The following PALLD variants were observed in gnomAD, a reference collection of about 807,000 sequenced individuals.
The protein encoded by PALLD is palladin, cytoskeletal associated protein.
PALLD carries 61 observed loss-of-function variants against 123.5 expected under a neutral mutation model. The ratio of observed to expected loss-of-function variants is 0.49; its 90% CI spans 0.40 to 0.61. The LOEUF (loss-of-function observed/expected upper bound fraction) is 0.61, where lower values mean the gene tolerates loss of function less well. PALLD is among the 20% of genes least tolerant of loss of function. The probability of loss-of-function intolerance (pLI) is 0.00; values close to 1 mark genes in which losing one functional copy is unlikely to be tolerated. For missense variants in PALLD, 1,273 were observed against 1,377.0 expected (o/e 0.92, Z 1.20); for synonymous variants, 465 against 496.4 (o/e 0.94, Z 0.84).
chr4:168,667,522 A>AGTTT (rs1779770068), intron 2 of PALLD, among the ~76,000 whole-genome samples: 1 of 152,180 alleles, frequency 6.6e-6, no homozygotes, highest in Non-Finnish European at 1.5e-5. Context: ...ACCTGTGTTC[A>AGTTT]AACAGTCTGG....
chr4:168,658,975 C>T (rs35478734), intron 2 of PALLD, among the ~76,000 whole-genome samples: 2,414 of 152,216 alleles, frequency 0.016, 37 homozygotes, highest in Non-Finnish European at 0.027. Flanking sequence ...ATTTAGACAA[C>T]GATTAATTTC....
At chr4:168,917,195 C>T (rs536616190) in intron 17 of PALLD, among the ~76,000 whole-genome samples, 4 of 151,288 alleles carry the variant, frequency 2.6e-5, no homozygotes, top group Admixed American at 6.6e-5. Context: ...AGTACAGGCA[C>T]GCACCACCAC....
At chr4:168,622,740 T>C (rs1774884192) in intron 2 of PALLD, among the ~76,000 whole-genome samples, 1 of 152,218 alleles carries the variant, frequency 6.6e-6, no homozygotes, top group Non-Finnish European at 1.5e-5. Context: ...AACAATCTCC[T>C]GACAGATCAT....
chr4:168,883,465 T>C lies in PALLD; in HGVS notation c.1965-7457T>C, dbSNP rs537035138. ...AAGAGTAGAATAAGAGGACTTGTAA[T>C]AGTTAAATTCTCTGGTTGATTCTGG... On this transcript the variant is annotated intron_variant, in intron 10 of 21. Coordinates refer to ENST00000505667, the MANE Select transcript of PALLD (RefSeq NM_001166108.2). 2.6e-5 allele frequency among the ~76,000 whole-genome samples: 4 copies of C among 152,374 alleles called. No individual in the cohort carries two copies. In the South Asian group the frequency reaches 8.3e-4, roughly 32 times the overall value.
At chr4:168,892,822 A>G (rs575082987) in intron 11 of PALLD, among the ~76,000 whole-genome samples, 1 of 152,036 alleles carries the variant, frequency 6.6e-6, no homozygotes, top group East Asian at 1.9e-4. Context: ...TGGTCAACCC[A>G]CATTATATAT....
In PALLD at chr4:168,783,066, GTGTGTGTGTGTGTGTGTGTA is replaced by G. The variant is rs1334972161; in HGVS notation, c.1964+71145_1964+71164del. Among the ~76,000 whole-genome samples, 9 of 150,978 alleles carry G rather than the reference GTGTGTGTGTGTGTGTGTGTA, an allele frequency of 6.0e-5. No individual in the cohort carries two copies. The East Asian group carries it at 9.7e-4, about 16-fold the overall frequency. On this transcript the variant is annotated intron_variant, in intron 10 of 21. Coordinates refer to ENST00000505667, the MANE Select transcript of PALLD (RefSeq NM_001166108.2). ...TATATATGTGTGTGTGTGTGTGTGT[GTGTGTGTGTGTGTGTGTGTA>G]TAGTACTGTTTCTGTTGAACAGATA...
chr4:168,851,652 GC>G (rs1320670147), intron 10 of PALLD, among the ~76,000 whole-genome samples: 10 of 152,258 alleles, frequency 6.6e-5, no homozygotes, highest in Middle Eastern at 3.4e-3. Flanking sequence ...ACAGGCATAA[GC>G]CCCACGCCTG....
intron 2 of PALLD, among the ~76,000 whole-genome samples, chr4:168,524,098 C>T (rs1467097136): frequency 6.6e-6 from 1 of 152,150 alleles, no homozygotes; most frequent in Admixed American, 6.5e-5. Context: ...TATTTTACAA[C>T]ACTTTAACAT....
At chr4:168,913,381 C>A (rs1478459340) in intron 15 of PALLD, among the ~76,000 whole-genome samples, 1 of 152,108 alleles carries the variant, frequency 6.6e-6, no homozygotes, top group Non-Finnish European at 1.5e-5. Context: ...TCGTGATCCA[C>A]CTGCGTCAGC....
At chr4:168,702,247 T>A (rs1344777177) in intron 8 of PALLD, among the ~76,000 whole-genome samples, 1 of 152,082 alleles carries the variant, frequency 6.6e-6, no homozygotes, top group African/African-American at 2.4e-5. Flanking sequence ...AAAGAACATG[T>A]GCTCTAGAAA....
intron 10 of PALLD, among the ~76,000 whole-genome samples, chr4:168,887,120 AAAAAAAAAAAAAG>A (rs1473824740): frequency 7.1e-6 from 1 of 141,440 alleles, no homozygotes; most frequent in Admixed American, 7.0e-5. Flanking sequence ...CTGTCTCAAA[AAAAAAAAAAAAAG>A]AAAAAGAAAA....
At chr4:168,658,071 A>G (rs900108127) in intron 2 of PALLD, among the ~76,000 whole-genome samples, 5 of 152,106 alleles carry the variant, frequency 3.3e-5, no homozygotes, top group African/African-American at 7.2e-5. Context: ...GGTGCAAAAC[A>G]ACGACGAACC....
intron 2 of PALLD, among the ~76,000 whole-genome samples, chr4:168,659,380 G>C (rs1778914755): frequency 6.6e-6 from 1 of 152,108 alleles, no homozygotes; most frequent in Non-Finnish European, 1.5e-5. Context: ...TTTTCTTCAA[G>C]TATGGACTTC....
At chr4:168,854,747 GAC>G (rs1748333421) in intron 10 of PALLD, among the ~76,000 whole-genome samples, 1 of 152,148 alleles carries the variant, frequency 6.6e-6, no homozygotes, top group Non-Finnish European at 1.5e-5. Context: ...AAAAAAGGAC[GAC>G]AGAGAGGAAA....
At chr4:168,628,162 G>A (rs569320228) in intron 2 of PALLD, among the ~76,000 whole-genome samples, 14 of 152,336 alleles carry the variant, frequency 9.2e-5, no homozygotes, top group Admixed American at 3.3e-4. Flanking sequence ...ATGTGTGGAC[G>A]TTTGTAACAT....
rs781226593 is a variant in PALLD at position 168,926,535 on chromosome 4, T to C, written c.*355T>C. On this transcript the variant is annotated 3_prime_UTR_variant, in exon 22 of 22. Transcript: ENST00000505667. ...AAAATAATATTTTTCTTACTTGATATACCAAACTTAGTTTAAGTAGATAAT... is the reference window on the plus strand; with the variant it reads ...AAAATAATATTTTTCTTACTTGATACACCAAACTTAGTTTAAGTAGATAAT... The C allele has an allele frequency of 1.3e-5, 8 of 597,522 alleles. No individual in the cohort carries two copies. Among genetic ancestry groups the C allele is most frequent in the Non-Finnish European group, 2.0e-5 (7 of 350,172 alleles). 37.0% of individuals were successfully genotyped at this position (597,522 alleles called of 1,614,324 possible).
At chr4:168,804,584 G>A (rs962309710) in intron 10 of PALLD, among the ~76,000 whole-genome samples, 28 of 152,120 alleles carry the variant, frequency 1.8e-4, no homozygotes, top group African/African-American at 6.5e-4. Flanking sequence ...AGCCCATCGG[G>A]GCAGCAGCCC....
At chr4:168,754,756 A>G (rs1731547680) in intron 10 of PALLD, among the ~76,000 whole-genome samples, 1 of 152,202 alleles carries the variant, frequency 6.6e-6, no homozygotes, top group Admixed American at 6.5e-5. Context: ...AGATGTTCAA[A>G]GAATGCCTAG....
At chr4:168,513,253 G>A (rs1207775762) in intron 2 of PALLD, among the ~76,000 whole-genome samples, 1 of 152,134 alleles carries the variant, frequency 6.6e-6, no homozygotes, top group Non-Finnish European at 1.5e-5. Flanking sequence ...GATAAATCAA[G>A]TCAGGAGCTC....
Sources: gnomAD v4.1 joint callset for allele counts (sites outside exome capture counted in the v4.1 genomes callset) on GRCh38, gnomAD v4.1.1 for gene constraint, MANE v1.5 for transcripts, NCBI Gene and HGNC (gene_info 2026-07-23, HGNC 2026-07-21) for gene names.